The following PSMD14 variants were observed in gnomAD, a reference collection of about 807,000 sequenced individuals.
PSMD14 encodes ubiquitin C-terminal hydrolase PSMD14.
A neutral mutation model predicts 41.2 loss-of-function variants in PSMD14; 7 were observed. The observed-to-expected ratio is 0.17, with a 90% CI of 0.10 to 0.32. PSMD14 has a LOEUF of 0.32. PSMD14 is among the 10% of genes least tolerant of loss of function. The pLI, the probability that PSMD14 is intolerant of heterozygous loss-of-function variation, is 1.00. For synonymous variants in PSMD14, 114 were observed against 122.3 expected (o/e 0.93, Z 0.45); for missense variants, 139 against 375.6 (o/e 0.37, Z 5.21).
chr2:161,318,735 TGA>T, intron 2 of PSMD14, 85 bp from the exon 3 acceptor site: 1 of 984,172 alleles, frequency 1.0e-6, no homozygotes. Flanking sequence ...TTTGACATAC[TGA>T]GTGACTGAAG....
intron 10 of PSMD14, among the ~76,000 whole-genome samples, chr2:161,404,513 C>T (rs1175926595): frequency 6.6e-6 from 1 of 152,130 alleles, no homozygotes; most frequent in East Asian, 1.9e-4. Context: ...TATCATGGCA[C>T]CCTTTGCCCC....
intron 10 of PSMD14, among the ~76,000 whole-genome samples, chr2:161,404,365 T>C (rs1198848511): frequency 6.6e-6 from 1 of 152,242 alleles, no homozygotes; most frequent in African/African-American, 2.4e-5. Flanking sequence ...CTTGTATTTT[T>C]CTACCAAAAA....
intron 3 of PSMD14, among the ~76,000 whole-genome samples, chr2:161,351,723 A>G (rs564565437): frequency 6.6e-6 from 1 of 152,296 alleles, no homozygotes; most frequent in South Asian, 2.1e-4. Flanking sequence ...GTATGTCTAC[A>G]TGGGTCGTCT....
chr2:161,332,776 T>C (rs1177452868), intron 3 of PSMD14, among the ~76,000 whole-genome samples: 3 of 152,218 alleles, frequency 2.0e-5, no homozygotes, highest in Non-Finnish European at 4.4e-5. Context: ...AAGTTCTGCC[T>C]AATCTGCTGC....
At chr2:161,362,666 A>G (rs926900322) in intron 3 of PSMD14, among the ~76,000 whole-genome samples, 1 of 152,184 alleles carries the variant, frequency 6.6e-6, no homozygotes, top group African/African-American at 2.4e-5. Context: ...AACTTTGAAG[A>G]TTTGCTTCAT....
At position 161,400,113 on chromosome 2, in the gene PSMD14, T is replaced by C. The variant is rs571033971; in HGVS notation, c.771+4910T>C. On this transcript the variant is annotated intron_variant, in intron 10 of 11. Transcript: ENST00000409682. ...TTGCATTAAACAAGTAATACTTAGA[T>C]CTAAGGTTGTGTTAGCTCAAAATAA... Among the ~76,000 whole-genome samples the C allele has an allele frequency of 2.6e-5, 4 of 152,318 alleles. No individual in the cohort carries two copies. In the South Asian group the frequency reaches 8.3e-4, roughly 32 times the overall value.
At chr2:161,371,351 C>A in intron 7 of PSMD14, 29 bp downstream of exon 7, 1 of 1,584,818 alleles carries the variant, frequency 6.3e-7, no homozygotes, top group East Asian at 2.3e-5. Flanking sequence ...TTATTGCCAT[C>A]TACTGCCACA....
Position 161,341,061 on chromosome 2 carries a change from G to A in PSMD14, c.48+22188G>A, listed in dbSNP as rs563042654. The A allele has an allele frequency of 2.1e-4, 336 of 1,568,670 alleles. 5 individuals are homozygous for A. In the South Asian group the frequency reaches 3.5e-3, roughly 16 times the overall value. On this transcript the variant is annotated intron_variant, in intron 3 of 11. Transcript: ENST00000409682. ...ATCCCCTGGCCCTTCGGGCTCCCCC[G>A]GTCCCGCAGGCTCCCCGAGCTCCCC...
intron 2 of PSMD14, among the ~76,000 whole-genome samples, chr2:161,317,280 T>C (rs1014829221): frequency 2.0e-5 from 3 of 152,210 alleles, no homozygotes; most frequent in Admixed American, 6.5e-5. Flanking sequence ...AAATTTTGTC[T>C]GTATTACCAC....
At chr2:161,363,445 C>T (rs974309819) in intron 3 of PSMD14, among the ~76,000 whole-genome samples, 1 of 152,058 alleles carries the variant, frequency 6.6e-6, no homozygotes, top group African/African-American at 2.4e-5. Flanking sequence ...GATTTTAATT[C>T]TAAATTATTT....
chr2:161,397,362 C>T (rs774903717), intron 10 of PSMD14, among the ~76,000 whole-genome samples: 2 of 152,010 alleles, frequency 1.3e-5, no homozygotes, highest in East Asian at 1.9e-4. Flanking sequence ...GTCGGATAGA[C>T]GAAGTGAAAG....
intron 3 of PSMD14, among the ~76,000 whole-genome samples, chr2:161,319,421 T>G (rs1335681954): frequency 6.6e-6 from 1 of 152,128 alleles, no homozygotes. Flanking sequence ...TGTTTTAATA[T>G]TGTTTATCTT....
intron 9 of PSMD14, 105 bp downstream of exon 9, chr2:161,391,283 G>A (rs878927582): frequency 8.8e-7 from 1 of 1,141,062 alleles, no homozygotes; most frequent in South Asian, 2.3e-5. Flanking sequence ...CTCTTTCAGT[G>A]TTTCCAAATA....
intron 3 of PSMD14, among the ~76,000 whole-genome samples, chr2:161,347,516 A>G (rs745837788): frequency 7.2e-5 from 11 of 152,216 alleles, no homozygotes; most frequent in Non-Finnish European, 1.6e-4. Context: ...ACGTTAGATC[A>G]TATTAAGATA....
At chr2:161,358,341 T>C (rs1047225458) in intron 3 of PSMD14, among the ~76,000 whole-genome samples, 2 of 152,236 alleles carry the variant, frequency 1.3e-5, no homozygotes, top group Admixed American at 6.5e-5. Flanking sequence ...AAAATAGTTA[T>C]AACTTAAGTC....
chr2:161,351,878 A>G (rs891287498), intron 3 of PSMD14, among the ~76,000 whole-genome samples: 2 of 152,200 alleles, frequency 1.3e-5, no homozygotes, highest in African/African-American at 2.4e-5. Flanking sequence ...TCACATGTTC[A>G]TACCTAACCT....
intron 11 of PSMD14, 83 bp from the exon 12 acceptor site, chr2:161,411,200 TGGCTTTCTTTACTAGTTTC>T: frequency 1.7e-6 from 1 of 603,718 alleles, no homozygotes; most frequent in East Asian, 3.1e-5. Flanking sequence ...AAGTAAGGTC[TGGCTTTCTTTACTAGTTTC>T]ATCAGCTACT....
At chr2:161,345,556 T>C (rs1345964570) in intron 3 of PSMD14, among the ~76,000 whole-genome samples, 1 of 152,052 alleles carries the variant, frequency 6.6e-6, no homozygotes, top group Non-Finnish European at 1.5e-5. Context: ...CCACTGTGCC[T>C]GGCCTCTATT....
chr2:161,357,090 G>GTTTTTTTTTTTTTTTTTTTTTTTTTTTTT (rs1683218602), intron 3 of PSMD14, among the ~76,000 whole-genome samples: 1 of 19,966 alleles, frequency 5.0e-5, no homozygotes. Context: ...TTTTTTTTTA[G>GTTTTTTTTTTTTTTTTTTTTTTTTTTTTT]CACTTAGTCA....
Sources: allele counts gnomAD v4.1 joint callset (sites outside exome capture counted in the v4.1 genomes callset), GRCh38; gene constraint gnomAD v4.1.1; transcripts MANE v1.5; gene names NCBI Gene and HGNC (gene_info 2026-07-23, HGNC 2026-07-21).